Variants in GMDS observed in about 807,000 individuals in gnomAD.
GMDS encodes GDP-mannose 4,6-dehydratase, also known as GDP-mannose 4,6 dehydratase.
A neutral mutation model predicts 49.9 loss-of-function variants in GMDS; 20 were observed. That is an observed-to-expected ratio of 0.40 (90% confidence interval 0.28 to 0.58). The LOEUF (loss-of-function observed/expected upper bound fraction) is 0.58. GMDS is among the 20% of genes least tolerant of loss of function. The probability of loss-of-function intolerance (pLI) is 0.42; values close to 1 mark genes in which losing one functional copy is unlikely to be tolerated. For missense variants in GMDS, 362 were observed against 481.4 expected, an observed-to-expected ratio of 0.75 and a Z score of 2.32; for synonymous variants, 177 against 178.6, an observed-to-expected ratio of 0.99 and a Z score of 0.07.
At chr6:2,237,518 CTT>C (rs397885506) in intron 1 of GMDS, among the ~76,000 whole-genome samples, 43 of 125,828 alleles carry the variant, frequency 3.4e-4, no homozygotes, top group African/African-American at 1.1e-3. Context: ...TTGGAAGTAC[CTT>C]TTTTTTTTTT....
At chr6:1,827,967 T>C in intron 7 of GMDS, among the ~76,000 whole-genome samples, 1 of 152,022 alleles carries the variant, frequency 6.6e-6, no homozygotes, top group East Asian at 1.9e-4. Context: ...AAAACATACC[T>C]GAGGAAGCCT....
intron 9 of GMDS, among the ~76,000 whole-genome samples, chr6:1,676,834 A>C (rs1430192751): frequency 6.6e-6 from 1 of 152,220 alleles, no homozygotes; most frequent in African/African-American, 2.4e-5. Flanking sequence ...AAACCCTAGA[A>C]GAAAACCTAG....
chr6:1,854,663 A>G (rs906301118), intron 7 of GMDS, among the ~76,000 whole-genome samples: 3 of 152,198 alleles, frequency 2.0e-5, no homozygotes, highest in African/African-American at 4.8e-5. Flanking sequence ...CTCATTCAGC[A>G]TGTGGGCACA....
intron 7 of GMDS, among the ~76,000 whole-genome samples, chr6:1,795,222 A>G (rs1318625079): frequency 2.0e-5 from 3 of 152,144 alleles, no homozygotes; most frequent in Non-Finnish European, 4.4e-5. Context: ...AATCATCATC[A>G]TCATCAAAAA....
intron 9 of GMDS, among the ~76,000 whole-genome samples, chr6:1,692,099 C>T (rs1408089087): frequency 1.3e-5 from 2 of 152,320 alleles, no homozygotes; most frequent in South Asian, 2.1e-4. Context: ...CCTCCATCTT[C>T]CTCCCATGCT....
At chr6:2,200,459 CAG>C (rs746405939) in intron 1 of GMDS, among the ~76,000 whole-genome samples, 55 of 149,528 alleles carry the variant, frequency 3.7e-4, no homozygotes, top group Non-Finnish European at 4.9e-4. Flanking sequence ...AGCATGTTAG[CAG>C]AGAGGTGAAG....
At chr6:1,918,606 G>A (rs1035015030) in intron 7 of GMDS, among the ~76,000 whole-genome samples, 1 of 152,002 alleles carries the variant, frequency 6.6e-6, no homozygotes, top group Non-Finnish European at 1.5e-5. Flanking sequence ...AAATTCAGCC[G>A]GGCATGGTGG....
chr6:1,751,526 G>A (rs974641681), intron 7 of GMDS, among the ~76,000 whole-genome samples: 50 of 152,154 alleles, frequency 3.3e-4, no homozygotes, highest in African/African-American at 1.2e-3. Context: ...ATGGAATGTC[G>A]CTCTGTTGCC....
At chr6:1,906,373 G>A (rs899706268) in intron 7 of GMDS, among the ~76,000 whole-genome samples, 1 of 152,150 alleles carries the variant, frequency 6.6e-6, no homozygotes, top group Admixed American at 6.5e-5. Context: ...CACAATCCTA[G>A]GGATTCTCAG....
At chr6:1,658,628 A>C (rs554340784) in intron 9 of GMDS, among the ~76,000 whole-genome samples, 14 of 152,390 alleles carry the variant, frequency 9.2e-5, no homozygotes, top group Non-Finnish European at 1.9e-4. Context: ...AAAATAAAAA[A>C]ATACTTCTAG....
chr6:2,128,244 G>T (rs1189977335), intron 1 of GMDS, among the ~76,000 whole-genome samples: 1 of 149,900 alleles, frequency 6.7e-6, no homozygotes, highest in Non-Finnish European at 1.5e-5. Context: ...GTGCAATCTC[G>T]GCTCACTGCA....
chr6:2,120,070 T>C (rs780820868), intron 2 of GMDS, among the ~76,000 whole-genome samples: 2 of 152,240 alleles, frequency 1.3e-5, no homozygotes, highest in East Asian at 1.9e-4. Flanking sequence ...GGATGGTTAA[T>C]GTCACTCACC....
chr6:1,681,827 A>G (rs1484511117), intron 9 of GMDS, among the ~76,000 whole-genome samples: 3 of 152,178 alleles, frequency 2.0e-5, no homozygotes, highest in Admixed American at 6.5e-5. Context: ...TCCTGAGTAG[A>G]TGGGACTATA....
rs866593363 is a variant in GMDS at position 1,920,660 on chromosome 6, T to C, written c.771+9443A>G. On this transcript the variant is annotated intron_variant, in intron 7 of 10. Coordinates refer to ENST00000380815, the MANE Select transcript of GMDS (RefSeq NM_001500.4). ...TACATCTATTTCCTGTGGACAGTCT[T>C]GTTATTAAAATTAAACAGTCAGTTT... Among the ~76,000 whole-genome samples, 16 of 152,348 alleles carry C rather than the reference T, an allele frequency of 1.1e-4. No individual in the cohort carries two copies. The South Asian group carries it at 2.5e-3, about 24-fold the overall frequency.
chr6:2,175,822 A>G lies in GMDS; in HGVS notation c.103-51091T>C, dbSNP rs189686901. Reference sequence around the variant, plus strand: ...TTATATAGCCCTTAAAACATGTTGTAAGCACCTTATGCATGAACCCACGTA... The same window carrying G: ...TTATATAGCCCTTAAAACATGTTGTGAGCACCTTATGCATGAACCCACGTA... On this transcript the variant is annotated intron_variant, in intron 1 of 10. Transcript: ENST00000380815. The G allele has an allele frequency of 2.0e-4, 132 of 667,696 alleles. No homozygotes were observed. In the African/African-American group the frequency reaches 2.2e-3, roughly 11 times the overall value. 41.4% of individuals were successfully genotyped at this position (667,696 alleles called of 1,614,324 possible).
At chr6:1,666,319 G>A (rs773081959) in intron 9 of GMDS, among the ~76,000 whole-genome samples, 4 of 128,550 alleles carry the variant, frequency 3.1e-5, no homozygotes, top group Non-Finnish European at 6.9e-5. Flanking sequence ...TGGATCTGGT[G>A]GGCTAGGGTT....
chr6:1,683,345 C>A (rs7771516), intron 9 of GMDS, among the ~76,000 whole-genome samples: 8 of 152,160 alleles, frequency 5.3e-5, no homozygotes, highest in East Asian at 1.9e-4. Flanking sequence ...GGATGGTCTC[C>A]ATCTCCTGAC....
chr6:2,111,714 A>AG (rs1355189112), intron 4 of GMDS, among the ~76,000 whole-genome samples: 1 of 152,186 alleles, frequency 6.6e-6, no homozygotes, highest in Non-Finnish European at 1.5e-5. Context: ...TTTTTTCAAA[A>AG]GGACACCAAA....
At chr6:1,886,205 C>T (rs1171130358) in intron 7 of GMDS, among the ~76,000 whole-genome samples, 9 of 152,200 alleles carry the variant, frequency 5.9e-5, no homozygotes, top group Admixed American at 5.2e-4. Context: ...GTTCAATCTC[C>T]ATTAGAAATC....
Sources: gnomAD v4.1 joint callset for allele counts (sites outside exome capture counted in the v4.1 genomes callset) on GRCh38, gnomAD v4.1.1 for gene constraint, MANE v1.5 for transcripts, NCBI Gene and HGNC (gene_info 2026-07-23, HGNC 2026-07-21) for gene names.